The following RP1L1 variants were observed in gnomAD, a reference collection of about 807,000 sequenced individuals.
RP1L1 encodes retinitis pigmentosa 1-like 1 protein.
A neutral mutation model predicts 15.7 loss-of-function variants in RP1L1; 27 were observed. That is an observed-to-expected ratio of 1.72 (90% confidence interval 1.27 to 2.38). RP1L1 has a LOEUF of 2.38. Ranked by LOEUF, RP1L1 falls within the 30% of genes most tolerant of loss-of-function variation. The pLI is 0.00. For synonymous variants in RP1L1, 1,813 were observed against 1,276.7 expected (o/e 1.42, Z -8.96); for missense variants, 4,798 against 3,075.9 (o/e 1.56, Z -13.24).
At chr8:10,616,708 A>C (rs1797972682) in intron 2 of RP1L1, 121 bp from the exon 3 acceptor site, 2 of 1,169,482 alleles carry the variant, frequency 1.7e-6, no homozygotes, top group Non-Finnish European at 2.3e-6. Context: ...ATCTCACCCC[A>C]GACTCCTGGT....
At chr8:10,624,070 T>A (rs746279607) in intron 1 of RP1L1, among the ~76,000 whole-genome samples, 4 of 152,216 alleles carry the variant, frequency 2.6e-5, no homozygotes, top group African/African-American at 9.6e-5. Flanking sequence ...TATGACCTTA[T>A]CTTGCAGCCA....
At chr8:10,623,337 A>AG in intron 1 of RP1L1, 117 bp from the exon 2 acceptor site, 2 of 745,852 alleles carry the variant, frequency 2.7e-6, no homozygotes, top group Non-Finnish European at 4.2e-6. Context: ...CCACTCCACT[A>AG]TGGAGAGGCA....
chr8:10,622,483 A>G (rs1042617735), intron 2 of RP1L1, 110 bp downstream of exon 2: 210 of 1,386,428 alleles, frequency 1.5e-4, no homozygotes, highest in Non-Finnish European at 2.0e-4. Context: ...AATTAGCAGC[A>G]GGGCAATCAA....
intron 1 of RP1L1, among the ~76,000 whole-genome samples, chr8:10,626,313 A>G (rs1798156933): frequency 6.6e-6 from 1 of 152,184 alleles, no homozygotes. Flanking sequence ...CAGAGGGCTG[A>G]GCAGGGAGAG....
At position 10,610,062 on chromosome 8, in the gene RP1L1, C is replaced by A. The variant is rs1397794019; in HGVS notation, c.4036G>T (p.Gly1346Ter). The A allele has an allele frequency of 8.2e-6, 12 of 1,469,904 alleles. No homozygotes were observed. Among genetic ancestry groups the A allele is most frequent in the Admixed American group, 2.0e-5 (1 of 49,140 alleles). The allele number at this position is 1,469,904 out of a possible 1,614,324, so 91.1% of individuals were successfully genotyped here. A position where few individuals can be genotyped will look rare whatever the true frequency, so the allele number is the denominator to read the frequency against. ...VQLEETKETE[G>*]EGQQEEEAQL... ...GCCTCTTCTTCTTGCTGTCCTTCTC[C>A]TTCTGTTTCTTTAGTTTCCTCTAAC... The change falls in exon 4 of 4, where the codon GGA becomes TGA. Residue 1346 changes from glycine to a stop codon, truncating the protein, a stop_gained. Transcript: ENST00000382483. LOFTEE classifies it low-confidence loss of function (END_TRUNC).
At chr8:10,627,987 G>T (rs561013448) in intron 1 of RP1L1, among the ~76,000 whole-genome samples, 1 of 152,340 alleles carries the variant, frequency 6.6e-6, no homozygotes, top group East Asian at 1.9e-4. Flanking sequence ...CACAGCTTGG[G>T]GAGGCAGGCT....
At position 10,609,276 on chromosome 8, in the gene RP1L1, G is replaced by A. The variant is rs760451793; in HGVS notation, c.4822C>T (p.His1608Tyr). The A allele has an allele frequency of 1.2e-6, 2 of 1,609,988 alleles. No homozygotes were observed. The highest frequency in any genetic ancestry group is 1.7e-6 in the Non-Finnish European group (2 of 1,179,704). The change falls in exon 4 of 4, where the codon CAC becomes TAC. Residue 1608 changes from histidine to tyrosine, a missense_variant. Physicochemically the swap from His to Tyr is moderately conservative, Grantham distance 83 (BLOSUM62 2). Coordinates refer to ENST00000382483, the MANE Select transcript of RP1L1 (RefSeq NM_178857.6). ...ELLLQTQQRR[H>Y]RLRGLRNLSA... is the part of the protein sequence containing the mutation. ...AGGTTTCGCAGGCCCCGGAGACGGT[G>A]TCTGCGCTGCTGGGTCTGCAGGAGC...
chr8:10,654,015 C>T (rs1484206900), intron 1 of RP1L1, among the ~76,000 whole-genome samples: 1 of 152,132 alleles, frequency 6.6e-6, no homozygotes, highest in Non-Finnish European at 1.5e-5. Context: ...GATGAGCTGG[C>T]TGTGGGGCAT....
At chr8:10,647,844 T>C (rs534666191) in intron 1 of RP1L1, among the ~76,000 whole-genome samples, 2 of 152,364 alleles carry the variant, frequency 1.3e-5, no homozygotes, top group Admixed American at 1.3e-4. Context: ...TCAATTCTTC[T>C]GGGCATATAC....
intron 2 of RP1L1, among the ~76,000 whole-genome samples, chr8:10,622,125 C>G (rs1798069241): frequency 6.6e-6 from 1 of 151,962 alleles, no homozygotes. Flanking sequence ...AGTTCAAGAC[C>G]AGCCTGACCA....
At chr8:10,613,806 A>G (rs1338381304) in intron 3 of RP1L1, among the ~76,000 whole-genome samples, 1 of 151,876 alleles carries the variant, frequency 6.6e-6, no homozygotes, top group African/African-American at 2.4e-5. Flanking sequence ...AAGAAAAAAA[A>G]AAGCATGATA....
In RP1L1 at chr8:10,613,489, C is replaced by A. The variant is rs768687208; in HGVS notation, c.752-143G>T. 4 of 1,258,348 alleles carry A rather than the reference C, an allele frequency of 3.2e-6. 1 individual carries two copies. In the South Asian group the frequency reaches 5.3e-5, roughly 17 times the overall value. The allele number at this position is 1,258,348 out of a possible 1,614,324, so 77.9% of individuals were successfully genotyped here. On this transcript the variant is annotated intron_variant, in intron 3 of 3. Coordinates refer to ENST00000382483, the MANE Select transcript of RP1L1 (RefSeq NM_178857.6). ...TCCAAAATGCACGGTGACAGCTGTG[C>A]GCGGTGGCTCAGGCCTGTAATCCAA...
In RP1L1 at chr8:10,610,665, G is replaced by T. The variant is rs752329071; in HGVS notation, c.3433C>A (p.Pro1145Thr). ...ATGCTGAGCAGCTCCTGGTACCGAGGGGAGTCTTTGAACCTCACTTTGCTG... is the reference window on the plus strand; with the variant it reads ...ATGCTGAGCAGCTCCTGGTACCGAGTGGAGTCTTTGAACCTCACTTTGCTG... The part of the protein sequence containing the change: ...PASKVRFKDS[P>T]RYQELLSISK... The change falls in exon 4 of 4, where the codon CCT (proline) becomes ACT (threonine). Residue 1145 changes from proline (P) to threonine (T), a missense_variant. Transcript: ENST00000382483. 2 of 1,612,218 alleles carry T rather than the reference G, an allele frequency of 1.2e-6. No homozygotes were observed. The highest frequency in any genetic ancestry group is 4.5e-5 in the East Asian group (2 of 44,840).
chr8:10,625,813 C>A (rs1031182424), intron 1 of RP1L1, among the ~76,000 whole-genome samples: 1 of 152,108 alleles, frequency 6.6e-6, no homozygotes, highest in Non-Finnish European at 1.5e-5. Flanking sequence ...GAGGGATCCA[C>A]CCCTGGGGCT....
At chr8:10,653,140 C>T in intron 1 of RP1L1, among the ~76,000 whole-genome samples, 1 of 152,156 alleles carries the variant, frequency 6.6e-6, no homozygotes, top group East Asian at 1.9e-4. Flanking sequence ...ATATGACATA[C>T]TTATTCAATG....
chr8:10,612,191 T>C lies in RP1L1; in HGVS notation c.1907A>G (p.Gln636Arg), dbSNP rs919600392. 1.9e-6 allele frequency: 3 copies of C among 1,613,244 alleles called. No individual in the cohort carries two copies. The highest frequency in any genetic ancestry group is 1.7e-5 in the Admixed American group (1 of 60,016). Reference protein sequence around the residue: ...STPSTCTSSQQGQRRHRSRAS... With the variant: ...STPSTCTSSQRGQRRHRSRAS... ...CCGGCTTCTGTGCCTTCTCTGCCCCTGCTGGGATGAAGTGCAGGTGGAAGG... is the reference window on the plus strand; with the variant it reads ...CCGGCTTCTGTGCCTTCTCTGCCCCCGCTGGGATGAAGTGCAGGTGGAAGG... The change falls in exon 4 of 4, where the codon CAG (glutamine) becomes CGG (arginine). Residue 636 changes from glutamine to arginine, a missense_variant. Coordinates refer to ENST00000382483, the MANE Select transcript of RP1L1 (RefSeq NM_178857.6).
At chr8:10,638,978 C>T (rs1037322388) in intron 1 of RP1L1, among the ~76,000 whole-genome samples, 3 of 151,978 alleles carry the variant, frequency 2.0e-5, no homozygotes, top group African/African-American at 7.3e-5. Flanking sequence ...AACCCAGGCT[C>T]TACTAAAAAA....
At position 10,609,884 on chromosome 8, in the gene RP1L1, A is replaced by T. The variant is rs770894845; in HGVS notation, c.4214T>A (p.Val1405Asp). Residue 1405 changes from valine (V) to aspartate (D), a missense_variant, in exon 4 of 4, where the codon GTC (valine) becomes GAC (aspartate). Val to Asp is a radical substitution (Grantham distance 152). Coordinates refer to ENST00000382483, the MANE Select transcript of RP1L1 (RefSeq NM_178857.6). ...GGCCTCTGACAATTCCTGCCCGTGG[A>T]CGCTTCCTTCTTCTGGAAGTCCTTC... The part of the protein sequence containing the change: ...KEEGLPEEGS[V>D]HGQELSEASS... The T allele has an allele frequency of 2.5e-6, 4 of 1,592,572 alleles. No individual in the cohort carries two copies. In the African/African-American group the frequency reaches 4.1e-5, roughly 16 times the overall value.
Position 10,607,567 on chromosome 8 carries a change from T to C in RP1L1, c.6531A>G (p.Leu2177=), listed in dbSNP as rs375005639. 4.1e-5 allele frequency: 64 copies of C among 1,567,016 alleles called. No homozygotes were observed. In the African/African-American group the frequency reaches 7.4e-4, roughly 18 times the overall value. Residue 2177 remains leucine, a synonymous_variant, in exon 4 of 4, where the codon TTA becomes TTG. Transcript: ENST00000382483. ...CTGCCTCTGGGGCCTCTACACCTTC[T>C]AACTCTGGTTGGGCCTCCTCTTCAG... is the stretch of plus-strand genomic sequence containing the variant. ...QEAEEEAQPE[L]EGVEAPEAEG...
Sources: gnomAD v4.1 joint callset for allele counts (sites outside exome capture counted in the v4.1 genomes callset) on GRCh38, gnomAD v4.1.1 for gene constraint, MANE v1.5 for transcripts, NCBI Gene and HGNC (gene_info 2026-07-23, HGNC 2026-07-21) for gene names.